The following ARHGEF10L variants were observed in gnomAD, a reference collection of about 807,000 sequenced individuals.
The protein encoded by ARHGEF10L is Rho guanine nucleotide exchange factor 10 like.
Under a neutral mutation model 141.2 loss-of-function variants are expected in ARHGEF10L, and 69 were observed. The ratio of observed to expected loss-of-function variants is 0.49; its 90% confidence interval spans 0.40 to 0.60. ARHGEF10L has a LOEUF of 0.60. Among genes scored for constraint, ARHGEF10L ranks in the 20% least tolerant of loss-of-function variants. The pLI is 0.00. For missense variants in ARHGEF10L, 1,482 were observed against 1,734.3 expected, an observed-to-expected ratio of 0.85 and a Z score of 2.58; for synonymous variants, 711 against 718.5, an observed-to-expected ratio of 0.99 and a Z score of 0.17.
Position 17,555,043 on chromosome 1 carries a change from T to C in ARHGEF10L, c.-44+15093T>C, listed in dbSNP as rs946267690. 2.6e-5 allele frequency among the ~76,000 whole-genome samples: 4 copies of C among 152,328 alleles called. No individual in the cohort carries two copies. The East Asian group carries it at 7.7e-4, about 29-fold the overall frequency. ...GTGTGTTGCCAATATGGGTAGACTG[T>C]ACCCAAGTCCCACCTCCTCCTCTTC... is the stretch of plus-strand genomic sequence containing the variant. On this transcript the variant is annotated intron_variant, in intron 1 of 28. Transcript: ENST00000361221.
Position 17,656,460 on chromosome 1 carries a change from C to A in ARHGEF10L, c.2706-94C>A. Reference sequence around the variant, plus strand: ...GAAAGGCGTGGCTGAGAGGGGTCAGCTCCCTGGGGCCCTCTCCCTAGGAGG... The same window carrying A: ...GAAAGGCGTGGCTGAGAGGGGTCAGATCCCTGGGGCCCTCTCCCTAGGAGG... On this transcript the variant is annotated intron_variant, in intron 24 of 28. Coordinates refer to ENST00000361221, the MANE Select transcript of ARHGEF10L (RefSeq NM_018125.4). This position sits in a 1 kb window ranked among gnomAD's most constrained non-coding sequence, Gnocchi z 4.9. The A allele has an allele frequency of 6.8e-7, 1 of 1,472,720 alleles. No individual in the cohort carries two copies. Among genetic ancestry groups the A allele is most frequent in the Non-Finnish European group, 9.2e-7 (1 of 1,084,968 alleles). The allele number at this position is 1,472,720 out of a possible 1,614,324, so 91.2% of individuals were successfully genotyped here. A position where few individuals can be genotyped will look rare whatever the true frequency, so the allele number is the denominator to read the frequency against.
At chr1:17,632,083 C>T (rs115807712) in intron 15 of ARHGEF10L, among the ~76,000 whole-genome samples, 2 of 152,324 alleles carry the variant, frequency 1.3e-5, no homozygotes, top group African/African-American at 2.4e-5. Context: ...TGGGCCCACA[C>T]GGGTGCTGGT....
At chr1:17,608,704 C>T (rs2081397018) in intron 7 of ARHGEF10L, among the ~76,000 whole-genome samples, 1 of 152,146 alleles carries the variant, frequency 6.6e-6, no homozygotes, top group Non-Finnish European at 1.5e-5. Flanking sequence ...CTGAGATTTG[C>T]AGTTTCATGG....
In ARHGEF10L at chr1:17,607,656, G is replaced by A. The variant is rs1421820595; in HGVS notation, c.434-146G>A. 6.7e-6 allele frequency: 5 copies of A among 743,476 alleles called. No individual in the cohort carries two copies. Among genetic ancestry groups the A allele is most frequent in the Non-Finnish European group, 1.0e-5 (5 of 500,650 alleles). 46.1% of individuals were successfully genotyped at this position (743,476 alleles called of 1,614,324 possible). A position where few individuals can be genotyped will look rare whatever the true frequency, so the allele number is the denominator to read the frequency against. ...GTATTATCATCTTCGTTTCATGGTT[G>A]AGGAGGTAGAGCTGGAGCCCCAGGG... On this transcript the variant is annotated intron_variant, in intron 6 of 28. Coordinates refer to ENST00000361221, the MANE Select transcript of ARHGEF10L (RefSeq NM_018125.4). This position sits in a 1 kb window ranked among gnomAD's most constrained non-coding sequence, Gnocchi z 4.5.
chr1:17,546,852 G>A (rs2076935004), intron 1 of ARHGEF10L, among the ~76,000 whole-genome samples: 1 of 152,170 alleles, frequency 6.6e-6, no homozygotes. Context: ...GCTCATAATT[G>A]CAGAGTGGCA....
intron 7 of ARHGEF10L, among the ~76,000 whole-genome samples, chr1:17,612,139 C>T (rs1488650417): frequency 6.6e-6 from 1 of 152,174 alleles, no homozygotes; most frequent in Non-Finnish European, 1.5e-5. Context: ...AGTGTCAGCT[C>T]ACAAGAACTC....
intron 26 of ARHGEF10L, among the ~76,000 whole-genome samples, chr1:17,676,915 C>G (rs2063758493): frequency 6.6e-6 from 1 of 151,864 alleles, no homozygotes; most frequent in Non-Finnish European, 1.5e-5. Flanking sequence ...TCCATGGAGC[C>G]CAACTGCCTC....
intron 7 of ARHGEF10L, among the ~76,000 whole-genome samples, chr1:17,608,279 G>A (rs1270419339): frequency 1.3e-5 from 2 of 152,190 alleles, no homozygotes; most frequent in Non-Finnish European, 2.9e-5. Flanking sequence ...TGATGCTCAC[G>A]GGCTCAGACT....
At chr1:17,537,771 C>T (rs2076596501), upstream of ARHGEF10L, among the ~76,000 whole-genome samples, 1 of 142,390 alleles carries the variant, frequency 7.0e-6, no homozygotes, top group African/African-American at 2.6e-5. Context: ...AATCCCAGCA[C>T]TTTGGGAGGC....
chr1:17,615,951 C>G lies in ARHGEF10L; in HGVS notation c.727-143C>G. The stretch of plus-strand genomic sequence containing the variant: ...GCACCTTCTCACCCCCACTGTCGTC[C>G]TTGGCCTTTGCTCACGGACCTGGGA... On this transcript the variant is annotated intron_variant, in intron 8 of 28. Transcript: ENST00000361221. This position sits in a 1 kb window ranked among gnomAD's most constrained non-coding sequence, Gnocchi z 4.7. The G allele has an allele frequency of 1.4e-6, 1 of 689,748 alleles. No homozygotes were observed. The allele number at this position is 689,748 out of a possible 1,614,324, so 42.7% of individuals were successfully genotyped here.
chr1:17,639,906 G>T lies in ARHGEF10L; in HGVS notation c.2172-296G>T, dbSNP rs1046930418. The T allele has an allele frequency of 3.5e-6, 5 of 1,440,576 alleles. No individual in the cohort carries two copies. The highest frequency in any genetic ancestry group is 1.4e-5 in the African/African-American group (1 of 71,028). The allele number at this position is 1,440,576 out of a possible 1,614,324, so 89.2% of individuals were successfully genotyped here. On this transcript the variant is annotated intron_variant, in intron 20 of 28. Transcript: ENST00000361221. The surrounding 1 kb of genome is among the most constrained non-coding windows in gnomAD (Gnocchi z 4.3). ...CGCTGACCAGGTGGAGTCACAGCCT[G>T]CAGAGGCTCTGCCGGGCACAAAGCC... is the stretch of plus-strand genomic sequence containing the variant.
At chr1:17,528,405 CA>C in the ARHGEF10L span, among the ~76,000 whole-genome samples, 2 of 152,008 alleles carry the variant, frequency 1.3e-5, no homozygotes. Context: ...TTTGTAGAGA[CA>C]GGGTCTCACT....
At chr1:17,534,693 G>A in the ARHGEF10L span, among the ~76,000 whole-genome samples, 83 of 150,718 alleles carry the variant, frequency 5.5e-4, no homozygotes, top group African/African-American at 1.9e-3. Flanking sequence ...GGGTTCAAGT[G>A]ATTCTCCTGC....
rs1165016191 is a variant in ARHGEF10L, at chr1:17,548,743, G to A, written c.-44+8793G>A. Reference sequence around the variant, plus strand: ...GGCTCACTGCATCCTCTGCCTCCTGGGTTCAAGCAATTCTCCAGCCTCAGC... The same window carrying A: ...GGCTCACTGCATCCTCTGCCTCCTGAGTTCAAGCAATTCTCCAGCCTCAGC... On this transcript the variant is annotated intron_variant, in intron 1 of 28. Transcript: ENST00000361221. Among the ~76,000 whole-genome samples, 4 of 149,484 alleles carry A rather than the reference G, an allele frequency of 2.7e-5. 1 individual carries two copies. In the South Asian group the frequency reaches 8.5e-4, roughly 32 times the overall value.
At chr1:17,648,768 C>G in intron 22 of ARHGEF10L, 93 bp downstream of exon 22, 2 of 1,509,206 alleles carry the variant, frequency 1.3e-6, no homozygotes, top group African/African-American at 1.4e-5. Context: ...GCGCCCACAG[C>G]AGGGAAGGCT....
At chr1:17,548,642 A>AATT (rs1224576804) in intron 1 of ARHGEF10L, among the ~76,000 whole-genome samples, 1 of 148,354 alleles carries the variant, frequency 6.7e-6, no homozygotes, top group African/African-American at 2.6e-5. Flanking sequence ...AGCTCAAAAT[A>AATT]ATTCTTTTTT....
chr1:17,574,266 G>A (rs796290733), intron 1 of ARHGEF10L, among the ~76,000 whole-genome samples: 8 of 152,294 alleles, frequency 5.3e-5, no homozygotes, highest in African/African-American at 1.9e-4. Context: ...CATCTGCTAT[G>A]GGAATCAAAT....
In ARHGEF10L at chr1:17,673,913, T is replaced by C. The variant is rs749961985; in HGVS notation, c.3009+9318T>C. ...TTGTGGTCACAGGACTTGCTCAGGG[T>C]GACTGGGACCACACACTCGTTGGTG... On this transcript the variant is annotated intron_variant, in intron 26 of 28. Coordinates refer to ENST00000361221, the MANE Select transcript of ARHGEF10L (RefSeq NM_018125.4). The surrounding 1 kb of genome is among the most constrained non-coding windows in gnomAD (Gnocchi z 4.1). Among the ~76,000 whole-genome samples the C allele has an allele frequency of 6.6e-6, 1 of 152,076 alleles. No individual in the cohort carries two copies. The highest frequency in any genetic ancestry group is 1.5e-5 in the Non-Finnish European group (1 of 68,012).
chr1:17,664,479 G>C lies in ARHGEF10L; in HGVS notation c.2893G>C (p.Val965Leu), dbSNP rs372655907. 1.4e-5 allele frequency: 22 copies of C among 1,606,462 alleles called. No homozygotes were observed. The African/African-American group carries it at 2.5e-4, about 18-fold the overall frequency. Residue 965 changes from valine (V) to leucine (L), a missense_variant, in exon 26 of 29, where the codon GTG becomes CTG. Physicochemically the swap from Val to Leu is conservative, Grantham distance 32. Around this residue, in one of 3 missense-constraint regions of ARHGEF10L, gnomAD observed 858 missense variants for 966.3 expected, o/e 0.89. Transcript: ENST00000361221. ...GVLWDLESPP[V>L]CLTVGPGPVR... is the part of the protein sequence containing the mutation. ...CCTGTGGGACCTGGAGAGCCCTCCC[G>C]TGTGCCTGACTGTGGGGCCCGGGCC... is the stretch of plus-strand genomic sequence containing the variant.
Sources: gnomAD v4.1 joint callset for allele counts (sites outside exome capture counted in the v4.1 genomes callset) on GRCh38, gnomAD v4.1.1 for gene constraint, gnomAD v4.1.1 regional missense constraint, Gnocchi (gnomAD v3.1) non-coding constraint, MANE v1.5 for transcripts, NCBI Gene and HGNC (gene_info 2026-07-23, HGNC 2026-07-21) for gene names.